The following FRMD3 variants were observed in gnomAD, a reference collection of about 807,000 sequenced individuals.
The protein encoded by FRMD3 is FERM domain containing 3.
In FRMD3, 33 loss-of-function variants were observed where a neutral mutation model predicts 70.2. The ratio of observed to expected loss-of-function variants is 0.47; its 90% CI spans 0.36 to 0.63. The LOEUF (loss-of-function observed/expected upper bound fraction) is 0.63, where lower values mean the gene tolerates loss of function less well. FRMD3 is among the 20% of genes least tolerant of loss of function. FRMD3 has a pLI of 0.00. For missense variants in FRMD3, 632 were observed against 711.4 expected (o/e 0.89, Z 1.27); for synonymous variants, 279 against 255.9 (o/e 1.09, Z -0.86).
rs559376853 is a variant in FRMD3, at chr9:83,529,685, C to A, written c.147+8400G>T. On this transcript the variant is annotated intron_variant, in intron 1 of 13. Coordinates refer to ENST00000304195, the MANE Select transcript of FRMD3 (RefSeq NM_174938.6). Reference sequence around the variant, plus strand: ...TATCAAAATTAAAAGCTTTTTTGACCCCATCAAGAAAGTAAAAGATATCCC... The same window carrying A: ...TATCAAAATTAAAAGCTTTTTTGACACCATCAAGAAAGTAAAAGATATCCC... Among the ~76,000 whole-genome samples the A allele has an allele frequency of 4.0e-5, 6 of 151,840 alleles. 1 individual carries two copies. Among genetic ancestry groups the A allele is most frequent in the African/African-American group, 1.4e-4 (6 of 41,420 alleles).
At chr9:83,572,128 T>C in the FRMD3 span, among the ~76,000 whole-genome samples, 2 of 150,924 alleles carry the variant, frequency 1.3e-5, no homozygotes, top group Non-Finnish European at 2.9e-5. Context: ...GAGCAATAGA[T>C]AGATGGTGAA....
chr9:83,352,736 C>A (rs1017956548), intron 3 of FRMD3, among the ~76,000 whole-genome samples: 7 of 152,210 alleles, frequency 4.6e-5, no homozygotes, highest in Non-Finnish European at 4.4e-5. Flanking sequence ...TTCTTGTCTG[C>A]TCTATGCTTC....
chr9:83,546,021 T>C, the FRMD3 span, among the ~76,000 whole-genome samples: 35,311 of 151,086 alleles, frequency 0.23, 4,459 homozygotes, highest in East Asian at 0.38. Context: ...ATCAGAAAAC[T>C]TACCAGACAG....
chr9:83,244,180 C>G (rs1563966589), downstream of FRMD3, among the ~76,000 whole-genome samples: 4 of 151,516 alleles, frequency 2.6e-5, no homozygotes. Context: ...GGTGCGTGAA[C>G]AGATAGAGAA....
chr9:83,469,067 A>G lies in FRMD3; in HGVS notation c.147+69018T>C, dbSNP rs984974113. On this transcript the variant is annotated intron_variant, in intron 1 of 13. Coordinates refer to ENST00000304195, the MANE Select transcript of FRMD3 (RefSeq NM_174938.6). ...AAGCTAATCCAGGCATGCTGCCCCA[A>G]TATGTTCTACAAATGCCCAACTACA... 3.9e-5 allele frequency among the ~76,000 whole-genome samples: 6 copies of G among 152,232 alleles called. No homozygotes were observed. In the East Asian group the frequency reaches 1.2e-3, roughly 29 times the overall value.
chr9:83,434,818 G>T (rs1454216397), intron 1 of FRMD3, among the ~76,000 whole-genome samples: 151 of 76,028 alleles, frequency 2.0e-3, no homozygotes, highest in Middle Eastern at 7.2e-3. Context: ...CCACCCCTCT[G>T]CTTTTTTTTT....
intron 1 of FRMD3, among the ~76,000 whole-genome samples, chr9:83,506,565 G>A (rs1653717935): frequency 6.6e-6 from 1 of 152,152 alleles, no homozygotes; most frequent in South Asian, 2.1e-4. Flanking sequence ...CCTATCTAGG[G>A]CACTTACCAT....
chr9:83,298,682 G>A, intron 12 of FRMD3, 66 bp downstream of exon 12: 2 of 1,198,004 alleles, frequency 1.7e-6, no homozygotes, highest in East Asian at 2.3e-5. Flanking sequence ...ACAAAGGGAT[G>A]TTATAGGGGA....
chr9:83,369,896 G>A (rs1423899209), intron 3 of FRMD3, among the ~76,000 whole-genome samples: 2 of 152,270 alleles, frequency 1.3e-5, no homozygotes, highest in Middle Eastern at 3.4e-3. Flanking sequence ...CAAGGAAATA[G>A]TTTTTGTCTT....
At chr9:83,453,397 G>A (rs894970951) in intron 1 of FRMD3, among the ~76,000 whole-genome samples, 1 of 152,036 alleles carries the variant, frequency 6.6e-6, no homozygotes, top group South Asian at 2.1e-4. Flanking sequence ...GAAATTTATG[G>A]ATAAGTTCTA....
At chr9:83,521,205 A>G (rs978744571) in intron 1 of FRMD3, among the ~76,000 whole-genome samples, 3 of 150,090 alleles carry the variant, frequency 2.0e-5, no homozygotes, top group Non-Finnish European at 4.5e-5. Context: ...TTCATCACTG[A>G]AGGTCACAAG....
At chr9:83,562,018 G>T in the FRMD3 span, among the ~76,000 whole-genome samples, 1 of 152,178 alleles carries the variant, frequency 6.6e-6, no homozygotes, top group African/African-American at 2.4e-5. Context: ...CTGGTACAGG[G>T]TATATAATTT....
At chr9:83,366,309 G>T (rs141313137) in intron 3 of FRMD3, among the ~76,000 whole-genome samples, 1,861 of 152,212 alleles carry the variant, frequency 0.012, 54 homozygotes, top group African/African-American at 0.043. Context: ...TGTGGCTCTC[G>T]CCTGTAATCC....
At chr9:83,403,196 G>A (rs569342201) in intron 1 of FRMD3, among the ~76,000 whole-genome samples, 6 of 151,990 alleles carry the variant, frequency 3.9e-5, no homozygotes, top group Non-Finnish European at 7.4e-5. Context: ...GAGCCACCAC[G>A]CTCAGCAAGA....
At chr9:83,366,327 T>C (rs1018545149) in intron 3 of FRMD3, among the ~76,000 whole-genome samples, 6 of 152,044 alleles carry the variant, frequency 3.9e-5, no homozygotes, top group African/African-American at 1.4e-4. Context: ...TCCCAGCACT[T>C]TGGGAGGCTG....
At chr9:83,490,763 T>C (rs1828798742) in intron 1 of FRMD3, among the ~76,000 whole-genome samples, 1 of 129,224 alleles carries the variant, frequency 7.7e-6, no homozygotes, top group Non-Finnish European at 1.6e-5. Flanking sequence ...TTTTACTCTC[T>C]TCTCTCTCTC....
At chr9:83,578,637 A>C in the FRMD3 span, among the ~76,000 whole-genome samples, 1 of 152,008 alleles carries the variant, frequency 6.6e-6, no homozygotes, top group Admixed American at 6.6e-5. Flanking sequence ...TTTCATGGTA[A>C]AAAAACAGAA....
chr9:83,309,527 G>A lies in FRMD3; in HGVS notation c.926+9C>T. ...AAAAGCTATAATTAAATGAATAAAA[G>A]CCACTTACTTATAAAAGGCCTGGTT... On this transcript the variant is annotated intron_variant, in intron 10 of 13. Transcript: ENST00000304195. 1 of 1,544,448 alleles carries A rather than the reference G, an allele frequency of 6.5e-7. No individual in the cohort carries two copies. The highest frequency in any genetic ancestry group is 8.8e-7 in the Non-Finnish European group (1 of 1,134,924).
chr9:83,429,131 A>G (rs982855552), intron 1 of FRMD3, among the ~76,000 whole-genome samples: 4 of 152,238 alleles, frequency 2.6e-5, no homozygotes, highest in African/African-American at 4.8e-5. Flanking sequence ...CATAGAAGAT[A>G]TTCACATAAA....
Sources: allele counts gnomAD v4.1 joint callset (sites outside exome capture counted in the v4.1 genomes callset), GRCh38; gene constraint gnomAD v4.1.1; transcripts MANE v1.5; gene names NCBI Gene and HGNC (gene_info 2026-07-23, HGNC 2026-07-21).